Variants in UST observed in about 807,000 individuals in gnomAD.
UST encodes chondroitin sulfate 2-O-sulfotransferase.
UST carries 21 observed loss-of-function variants against 45.6 expected under a neutral mutation model. That is an observed-to-expected ratio of 0.46 (90% CI 0.33 to 0.66). UST has a LOEUF of 0.66. UST is among the 30% of genes least tolerant of loss of function. The pLI is 0.02. For missense variants in UST, 463 were observed against 512.4 expected, an observed-to-expected ratio of 0.90 and a Z score of 0.93; for synonymous variants, 215 against 200.6, an observed-to-expected ratio of 1.07 and a Z score of -0.61.
At chr6:148,813,880 A>T (rs1397019651) in intron 1 of UST, among the ~76,000 whole-genome samples, 1 of 152,134 alleles carries the variant, frequency 6.6e-6, no homozygotes, top group Non-Finnish European at 1.5e-5. Flanking sequence ...AACTAATTTA[A>T]TATGTTATAA....
intron 1 of UST, among the ~76,000 whole-genome samples, chr6:148,756,279 G>T (rs890092365): frequency 6.6e-6 from 1 of 152,074 alleles, no homozygotes; most frequent in African/African-American, 2.4e-5. Context: ...ATGAGAAGAA[G>T]GATGTGTTTG....
chr6:149,040,871 C>G (rs1004173827), intron 7 of UST, among the ~76,000 whole-genome samples: 4 of 152,086 alleles, frequency 2.6e-5, no homozygotes, highest in Non-Finnish European at 5.9e-5. Context: ...GATCTGAATG[C>G]ATTTTCTCAG....
At chr6:149,030,879 G>C (rs1776129239) in intron 7 of UST, among the ~76,000 whole-genome samples, 1 of 152,106 alleles carries the variant, frequency 6.6e-6, no homozygotes, top group South Asian at 2.1e-4. Context: ...GGGGACGTAG[G>C]GAATAGCAGT....
At position 149,043,178 on chromosome 6, in the gene UST, G is replaced by A. The variant is rs150328252; in HGVS notation, c.937+21697G>A. Among the ~76,000 whole-genome samples the A allele has an allele frequency of 7.4e-3, 1,109 of 150,582 alleles. 9 individuals are homozygous for A. The highest frequency in any genetic ancestry group is 0.012 in the Non-Finnish European group (839 of 67,746). ...GGCTAGAGTGTGGTGGCATGATCTC[G>A]GCTCACTGCAGCCTCAACCTCTTGG... is the stretch of plus-strand genomic sequence containing the variant. On this transcript the variant is annotated intron_variant, in intron 7 of 7. Coordinates refer to ENST00000367463, the MANE Select transcript of UST (RefSeq NM_005715.3).
chr6:148,782,262 C>T (rs1426031549), intron 1 of UST, among the ~76,000 whole-genome samples: 1 of 151,052 alleles, frequency 6.6e-6, no homozygotes, highest in Non-Finnish European at 1.5e-5. Context: ...GGAAGAAGGT[C>T]AGAATATCAG....
chr6:148,962,920 G>A (rs947346858), intron 4 of UST, among the ~76,000 whole-genome samples: 18 of 152,246 alleles, frequency 1.2e-4, no homozygotes, highest in African/African-American at 4.3e-4. Context: ...AGAGCCCCAT[G>A]ATATGGGAAG....
chr6:148,798,347 G>A (rs1776990458), intron 1 of UST, among the ~76,000 whole-genome samples: 1 of 152,122 alleles, frequency 6.6e-6, no homozygotes, highest in African/African-American at 2.4e-5. Flanking sequence ...TATATGAAGA[G>A]GAGTGGGCTT....
intron 5 of UST, among the ~76,000 whole-genome samples, chr6:148,978,808 C>A (rs1428272477): frequency 6.6e-6 from 1 of 151,980 alleles, no homozygotes; most frequent in Non-Finnish European, 1.5e-5. Context: ...CCTGCACGTT[C>A]AGCATATGTA....
intron 2 of UST, among the ~76,000 whole-genome samples, chr6:148,889,380 A>G (rs1227371063): frequency 9.9e-5 from 15 of 152,220 alleles, no homozygotes; most frequent in Admixed American, 9.8e-4. Context: ...TCACCATTGT[A>G]AGTTTTCTTG....
chr6:148,791,569 A>C (rs1231656157), intron 1 of UST, among the ~76,000 whole-genome samples: 1 of 152,212 alleles, frequency 6.6e-6, no homozygotes, highest in Non-Finnish European at 1.5e-5. Flanking sequence ...CTATTCTGTA[A>C]TCAGTACTGC....
At chr6:148,747,797 C>G in intron 1 of UST, 120 bp downstream of exon 1, 1 of 1,308,526 alleles carries the variant, frequency 7.6e-7, no homozygotes, top group Non-Finnish European at 1.0e-6. Flanking sequence ...CCGGGTCTCT[C>G]CAGGTGCTAA....
At chr6:149,019,527 C>T (rs548829914) in intron 6 of UST, among the ~76,000 whole-genome samples, 6 of 152,284 alleles carry the variant, frequency 3.9e-5, no homozygotes, top group Non-Finnish European at 8.8e-5. Context: ...CTACTCATCC[C>T]ATGTTGTTTG....
At chr6:149,024,901 C>T (rs1471972248) in intron 7 of UST, among the ~76,000 whole-genome samples, 1 of 151,810 alleles carries the variant, frequency 6.6e-6, no homozygotes, top group Non-Finnish European at 1.5e-5. Flanking sequence ...GATGCAAAAA[C>T]ACCACTGGCC....
At chr6:148,896,909 A>G (rs957973270) in intron 2 of UST, among the ~76,000 whole-genome samples, 3 of 152,116 alleles carry the variant, frequency 2.0e-5, no homozygotes, top group Non-Finnish European at 4.4e-5. Context: ...TTTGAGCTTC[A>G]GTTTTCTATT....
chr6:149,050,641 C>A (rs1776469819), intron 7 of UST, among the ~76,000 whole-genome samples: 1 of 152,130 alleles, frequency 6.6e-6, no homozygotes, highest in African/African-American at 2.4e-5. Context: ...AAAGTATATT[C>A]CTCATTATAC....
intron 7 of UST, among the ~76,000 whole-genome samples, chr6:149,050,775 G>A (rs75266831): frequency 0.017 from 2,554 of 152,276 alleles, 48 homozygotes; most frequent in African/African-American, 0.049. Flanking sequence ...AATAAATCAC[G>A]AATTGTACAA....
At chr6:148,970,409 C>T (rs1237792643) in intron 5 of UST, among the ~76,000 whole-genome samples, 1 of 152,140 alleles carries the variant, frequency 6.6e-6, no homozygotes, top group Non-Finnish European at 1.5e-5. Flanking sequence ...CTCCTCATTC[C>T]CCTCTTATGA....
chr6:148,948,173 G>A (rs1424653358), intron 3 of UST, among the ~76,000 whole-genome samples: 1 of 152,212 alleles, frequency 6.6e-6, no homozygotes, highest in Non-Finnish European at 1.5e-5. Flanking sequence ...AGAGGGAAGG[G>A]TCACCGGAGC....
intron 1 of UST, among the ~76,000 whole-genome samples, chr6:148,813,292 CT>C (rs909369164): frequency 2.0e-5 from 3 of 151,958 alleles, no homozygotes; most frequent in African/African-American, 4.8e-5. Flanking sequence ...CCCTTTTTTT[CT>C]TTTAAATTTT....
Sources: allele counts gnomAD v4.1 joint callset (sites outside exome capture counted in the v4.1 genomes callset), GRCh38; gene constraint gnomAD v4.1.1; transcripts MANE v1.5; gene names NCBI Gene and HGNC (gene_info 2026-07-23, HGNC 2026-07-21).